Variants in SIM1 observed in about 807,000 individuals in gnomAD.
SIM1 encodes single-minded homolog 1.
A neutral mutation model predicts 78.2 loss-of-function variants in SIM1; 18 were observed. That is an observed-to-expected ratio of 0.23 (90% CI 0.16 to 0.34). The LOEUF (loss-of-function observed/expected upper bound fraction) is 0.34. SIM1 is among the 10% of genes least tolerant of loss of function. The probability of loss-of-function intolerance (pLI) is 1.00; values close to 1 mark genes in which losing one functional copy is unlikely to be tolerated. For synonymous variants in SIM1, 417 were observed against 385.2 expected (o/e 1.08, Z -0.97); for missense variants, 939 against 975.1 (o/e 0.96, Z 0.49).
chr6:100,397,382 T>A (rs1464534309), intron 10 of SIM1, among the ~76,000 whole-genome samples: 1 of 152,134 alleles, frequency 6.6e-6, no homozygotes, highest in Non-Finnish European at 1.5e-5. Flanking sequence ...TGTGACAAAC[T>A]TCAAATATGC....
At chr6:100,464,223 C>A (rs545766340) in intron 1 of SIM1, among the ~76,000 whole-genome samples, 1 of 152,214 alleles carries the variant, frequency 6.6e-6, no homozygotes, top group African/African-American at 2.4e-5. Context: ...CGCGGATCCC[C>A]GAGTCCGCGC....
chr6:100,450,692 TCTCTCACACACACA>T (rs1373778955), intron 3 of SIM1, among the ~76,000 whole-genome samples: 39 of 88,282 alleles, frequency 4.4e-4, no homozygotes, highest in African/African-American at 1.8e-3. Context: ...TCTCTCTCTC[TCTCTCACACACACA>T]CACACACACA....
intron 9 of SIM1, among the ~76,000 whole-genome samples, chr6:100,436,805 C>G (rs1448521205): frequency 6.8e-6 from 1 of 147,450 alleles, no homozygotes; most frequent in Non-Finnish European, 1.5e-5. Flanking sequence ...GTGACACGAT[C>G]TTGGCTCACT....
intron 10 of SIM1, among the ~76,000 whole-genome samples, chr6:100,400,892 A>G (rs1002799733): frequency 3.9e-5 from 6 of 152,110 alleles, no homozygotes; most frequent in African/African-American, 1.2e-4. Flanking sequence ...ATGATCATGG[A>G]TGATAAATCT....
chr6:100,448,516 C>T lies in SIM1; in HGVS notation c.706G>A (p.Ala236Thr). The part of the protein sequence containing the change: ...KLHSNMFMFR[A>T]SLDMKLIFLD... ...AAGATGAGCTTCATGTCCAGGCTGG[C>T]GCGGAACATAAACATATTGCTGTGT... The change falls in exon 7 of 12, where the codon GCC (alanine) becomes ACC (threonine). Residue 236 changes from alanine (A) to threonine (T), a missense_variant. Around this residue, in one of 5 missense-constraint regions of SIM1, gnomAD observed 187 missense variants for 191.6 expected, o/e 0.98. Coordinates refer to ENST00000369208, the MANE Select transcript of SIM1 (RefSeq NM_005068.3). 1 of 1,614,030 alleles carries T rather than the reference C, an allele frequency of 6.2e-7. No homozygotes were observed. The highest frequency in any genetic ancestry group is 2.2e-5 in the East Asian group (1 of 44,864).
At chr6:100,422,601 G>C (rs1306989220) in intron 9 of SIM1, among the ~76,000 whole-genome samples, 1 of 151,972 alleles carries the variant, frequency 6.6e-6, no homozygotes, top group Non-Finnish European at 1.5e-5. Context: ...TGTCCCTATT[G>C]GTTCTTCTAT....
intron 9 of SIM1, among the ~76,000 whole-genome samples, chr6:100,438,282 C>A (rs1261461699): frequency 6.6e-6 from 1 of 151,918 alleles, no homozygotes; most frequent in Non-Finnish European, 1.5e-5. Flanking sequence ...CAAATAATAC[C>A]ATCAAAAAGT....
At chr6:100,418,665 T>A (rs865886985) in intron 10 of SIM1, among the ~76,000 whole-genome samples, 1 of 152,180 alleles carries the variant, frequency 6.6e-6, no homozygotes, top group African/African-American at 2.4e-5. Context: ...GCTTAATTTC[T>A]ATATAACAAT....
chr6:100,449,125 C>T (rs1028960755), intron 6 of SIM1, among the ~76,000 whole-genome samples: 31 of 152,320 alleles, frequency 2.0e-4, no homozygotes, highest in African/African-American at 7.5e-4. Flanking sequence ...GTCACAAGTT[C>T]ATAGCCCCCG....
intron 6 of SIM1, among the ~76,000 whole-genome samples, chr6:100,448,885 G>T (rs1237333813): frequency 6.6e-6 from 1 of 152,164 alleles, no homozygotes; most frequent in Admixed American, 6.5e-5. Flanking sequence ...CTGGGAGCGC[G>T]TACAAAATGC....
intron 2 of SIM1, among the ~76,000 whole-genome samples, chr6:100,458,434 C>G (rs542137695): frequency 6.6e-6 from 1 of 152,242 alleles, no homozygotes; most frequent in East Asian, 1.9e-4. Flanking sequence ...AACCCGCCTT[C>G]CCGGGAACTG....
At chr6:100,446,800 CA>C (rs1289321535) in intron 9 of SIM1, among the ~76,000 whole-genome samples, 3 of 152,168 alleles carry the variant, frequency 2.0e-5, no homozygotes, top group Admixed American at 1.3e-4. Context: ...CTTTGTGGTT[CA>C]GGGGGGAAGC....
At chr6:100,423,505 T>C (rs913548715) in intron 9 of SIM1, among the ~76,000 whole-genome samples, 1 of 152,176 alleles carries the variant, frequency 6.6e-6, no homozygotes, top group Non-Finnish European at 1.5e-5. Context: ...GAACTATCCT[T>C]TTCCACCTCT....
At chr6:100,450,709 C>T (rs1299449857) in intron 3 of SIM1, among the ~76,000 whole-genome samples, 1 of 151,296 alleles carries the variant, frequency 6.6e-6, no homozygotes, top group Non-Finnish European at 1.5e-5. Flanking sequence ...CACACACACA[C>T]ACACACACAC....
rs1467114704 is a variant in SIM1 at position 100,463,483 on chromosome 6, C to G, written c.-15G>C. 1 of 1,588,390 alleles carries G rather than the reference C, an allele frequency of 6.3e-7. No homozygotes were observed. The highest frequency in any genetic ancestry group is 1.3e-5 in the African/African-American group (1 of 74,438). ...TTTTCTTTCATTGTGTCTTGTTCCC[C>G]CTTTCTTCTCACAACTTAAGCTCCG... On this transcript the variant is annotated 5_prime_UTR_variant, in exon 2 of 12. Coordinates refer to ENST00000369208, the MANE Select transcript of SIM1 (RefSeq NM_005068.3).
At chr6:100,392,284 CA>C (rs1432241283) in intron 11 of SIM1, among the ~76,000 whole-genome samples, 6 of 152,116 alleles carry the variant, frequency 3.9e-5, no homozygotes, top group African/African-American at 1.4e-4. Flanking sequence ...TTCCATAAAT[CA>C]AATTATTCTC....
chr6:100,452,920 C>T (rs1436070054), intron 3 of SIM1, among the ~76,000 whole-genome samples: 1 of 152,160 alleles, frequency 6.6e-6, no homozygotes, highest in Non-Finnish European at 1.5e-5. Context: ...AGATGCCACT[C>T]ATGCCAGCCC....
chr6:100,461,447 G>T (rs1330513599), intron 2 of SIM1, among the ~76,000 whole-genome samples: 1 of 152,122 alleles, frequency 6.6e-6, no homozygotes, highest in African/African-American at 2.4e-5. Context: ...CCAGAACGCC[G>T]CCCTGCTATT....
In SIM1 at chr6:100,453,789, G is replaced by A; in HGVS notation, c.231C>T (p.Gly77=). 1.2e-6 allele frequency: 2 copies of A among 1,611,786 alleles called. No individual in the cohort carries two copies. The highest frequency in any genetic ancestry group is 1.7e-6 in the Non-Finnish European group (2 of 1,178,976). The change falls in exon 3 of 12, where the codon GGC becomes GGT. Residue 77 remains glycine, a synonymous_variant. Coordinates refer to ENST00000369208, the MANE Select transcript of SIM1 (RefSeq NM_005068.3). ...GGAGCAGATGGGAGCCCAGTTCTCG[G>A]CCAACGTTGTCCAGGGGGCTGGTCC... ...SSRTSPLDNV[G]RELGSHLLQT... is the part of the protein sequence containing the mutation.
Sources: allele counts gnomAD v4.1 joint callset (sites outside exome capture counted in the v4.1 genomes callset), GRCh38; gene constraint gnomAD v4.1.1; regional missense constraint gnomAD v4.1.1; transcripts MANE v1.5; gene names NCBI Gene and HGNC (gene_info 2026-07-23, HGNC 2026-07-21).